Variants in TSR1 observed in about 807,000 individuals in gnomAD.
The protein encoded by TSR1 is pre-rRNA-processing protein TSR1 homolog.
TSR1 carries 81 observed loss-of-function variants against 90.9 expected under a neutral mutation model. The observed-to-expected ratio is 0.89, with a 90% CI of 0.74 to 1.07. TSR1 has a LOEUF of 1.07. TSR1 is among the 50% of genes least tolerant of loss of function. The probability of loss-of-function intolerance (pLI) is 0.00; values close to 1 mark genes in which losing one functional copy is unlikely to be tolerated. For synonymous variants in TSR1, 362 were observed against 348.8 expected (o/e 1.04, Z -0.42); for missense variants, 989 against 987.3 (o/e 1.00, Z -0.02).
rs761123911 is a variant in TSR1 at position 2,335,373 on chromosome 17, T to A, written c.443A>T (p.Asp148Val). ...GATGGTATCAGCTACTTTAGCCATG[T>A]CTAACACAACGTGCAGATCCCCTGC... ...ARPGDLHVVLDMAKVADTILF... is the reference protein window; with the variant it reads ...ARPGDLHVVLVMAKVADTILF... Residue 148 changes from aspartate to valine, a missense_variant, in exon 4 of 15, where the codon GAC becomes GTC. Asp to Val is a radical substitution (Grantham distance 152). Coordinates refer to ENST00000301364, the MANE Select transcript of TSR1 (RefSeq NM_018128.5). The A allele has an allele frequency of 9.9e-6, 16 of 1,613,238 alleles. No homozygotes were observed. Among genetic ancestry groups the A allele is most frequent in the Non-Finnish European group, 1.4e-5 (16 of 1,179,964 alleles).
chr17:2,334,825 C>CT lies in TSR1; in HGVS notation c.627dup (p.Ala210SerfsTer9). On this transcript the variant is annotated frameshift_variant, in exon 5 of 15. Transcript: ENST00000301364. LOFTEE classifies it high-confidence loss of function. Reference sequence around the variant, plus strand: ...TCATGCGGAAAGCGCTTCTCCACTGCTTTACTTAGCTTCTTCCTGGTATCT... The same window carrying CT: ...TCATGCGGAAAGCGCTTCTCCACTGCTTTTACTTAGCTTCTTCCTGGTATCT... 1 of 1,614,198 alleles carries CT rather than the reference C, an allele frequency of 6.2e-7. No individual in the cohort carries two copies. Among genetic ancestry groups the CT allele is most frequent in the Non-Finnish European group, 8.5e-7 (1 of 1,180,032 alleles).
At position 2,336,246 on chromosome 17, in the gene TSR1, G is replaced by C. The variant is rs1029861105; in HGVS notation, c.97+85C>G. ...AGGGCCTTTCGCGTGGAGCCCAGAC[G>C]GGAGACAGAAGCTCAGTCTGGGCAT... On this transcript the variant is annotated intron_variant, in intron 1 of 14. Coordinates refer to ENST00000301364, the MANE Select transcript of TSR1 (RefSeq NM_018128.5). 9 of 1,592,446 alleles carry C rather than the reference G, an allele frequency of 5.7e-6. No individual in the cohort carries two copies. The African/African-American group carries it at 1.2e-4, about 21-fold the overall frequency.
In TSR1 at chr17:2,324,206, C is replaced by T. The variant is rs1290913542; in HGVS notation, c.2405G>A (p.Gly802Asp). 1.3e-6 allele frequency: 2 copies of T among 1,520,946 alleles called. No homozygotes were observed. The highest frequency in any genetic ancestry group is 8.8e-7 in the Non-Finnish European group (1 of 1,139,312). 94.2% of individuals were successfully genotyped at this position (1,520,946 alleles called of 1,614,324 possible). A position where few individuals can be genotyped will look rare whatever the true frequency, so the allele number is the denominator to read the frequency against. The change falls in exon 15 of 15, where the codon GGC (glycine) becomes GAC (aspartate). Residue 802 changes from glycine (G) to aspartate (D), a missense_variant. By Grantham distance (94) the Gly-to-Asp change is moderately conservative (BLOSUM62 -1). Transcript: ENST00000301364. ...SEISSTVPQG[G>D]ME The stretch of plus-strand genomic sequence containing the variant: ...ATCTCTTTGAATCCATTACTCCATG[C>T]CCCCTTGAGGCACTGTTGAAGAAAT...
At chr17:2,334,255 G>C (rs1319138789) in intron 5 of TSR1, among the ~76,000 whole-genome samples, 2 of 152,176 alleles carry the variant, frequency 1.3e-5, no homozygotes, top group East Asian at 1.9e-4. Flanking sequence ...ACCACATCTT[G>C]AGTGTGTTCT....
intron 11 of TSR1, chr17:2,328,941 AAAAAAAC>A: frequency 4.1e-6 from 1 of 241,954 alleles, no homozygotes; most frequent in Non-Finnish European, 8.3e-6. Flanking sequence ...AAAAAAAAAA[AAAAAAAC>A]AGAAACAAAA....
At chr17:2,335,815 C>G (rs2064062987) in intron 2 of TSR1, 85 bp from the exon 3 acceptor site, 1 of 1,460,270 alleles carries the variant, frequency 6.8e-7, no homozygotes, top group Non-Finnish European at 9.3e-7. Flanking sequence ...AGATGCTCCC[C>G]CTACCCAAAA....
intron 7 of TSR1, 59 bp from the exon 8 acceptor site, chr17:2,332,418 G>A (rs1363992085): frequency 7.1e-7 from 1 of 1,409,854 alleles, no homozygotes; most frequent in African/African-American, 1.4e-5. Flanking sequence ...TACCCCAAAG[G>A]CCAATAAGCT....
chr17:2,326,404 T>G (rs2075576345), intron 11 of TSR1, among the ~76,000 whole-genome samples: 1 of 152,230 alleles, frequency 6.6e-6, no homozygotes, highest in African/African-American at 2.4e-5. Context: ...CAATCATTTC[T>G]GCTGCAAGTC....
At position 2,335,246 on chromosome 17, in the gene TSR1, G is replaced by A. The variant is rs774532300; in HGVS notation, c.556+14C>T. On this transcript the variant is annotated intron_variant, in intron 4 of 14. Transcript: ENST00000301364. ...GACAAATTAAAGGTGCACAATAAAT[G>A]CTAACTCACTTACTATAGGTCGGAA... is the stretch of plus-strand genomic sequence containing the variant. 6.2e-7 allele frequency: 1 copy of A among 1,612,434 alleles called. No individual in the cohort carries two copies. The highest frequency in any genetic ancestry group is 8.5e-7 in the Non-Finnish European group (1 of 1,179,326).
intron 2 of TSR1, 130 bp from the exon 3 acceptor site, chr17:2,335,860 C>CA: frequency 7.8e-7 from 1 of 1,283,052 alleles, no homozygotes; most frequent in Non-Finnish European, 1.1e-6. Flanking sequence ...ACAGGTATGC[C>CA]AGCGGGGTGG....
intron 3 of TSR1, 43 bp downstream of exon 3, chr17:2,335,468 C>T: frequency 7.0e-7 from 1 of 1,426,964 alleles, no homozygotes; most frequent in South Asian, 1.2e-5. Flanking sequence ...AAAAAAAATA[C>T]CACTACTCAA....
At chr17:2,334,138 C>T (rs2064027308) in intron 5 of TSR1, among the ~76,000 whole-genome samples, 1 of 152,170 alleles carries the variant, frequency 6.6e-6, no homozygotes. Context: ...TGCTAGTCTA[C>T]TTTCTCAACT....
chr17:2,335,503 A>G lies in TSR1; in HGVS notation c.421+8T>C. On this transcript the variant is annotated splice_region_variant and intron_variant, in intron 3 of 14. Coordinates refer to ENST00000301364, the MANE Select transcript of TSR1 (RefSeq NM_018128.5). ...AACATAATACAAAATATTGGTGTAT[A>G]CTCTAACCTGGCCTTGCTGAGGTGA... 6.2e-7 allele frequency: 1 copy of G among 1,613,888 alleles called. No homozygotes were observed. Among genetic ancestry groups the G allele is most frequent in the Non-Finnish European group, 8.5e-7 (1 of 1,179,886 alleles).
rs745561602 is a variant in TSR1, at chr17:2,330,249, T to G, written c.1770+266A>C. 1.2e-5 allele frequency: 7 copies of G among 585,458 alleles called. No homozygotes were observed. In the Admixed American group the frequency reaches 1.3e-4, roughly 11 times the overall value. 36.3% of individuals were successfully genotyped at this position (585,458 alleles called of 1,614,324 possible). A position where few individuals can be genotyped will look rare whatever the true frequency, so the allele number is the denominator to read the frequency against. On this transcript the variant is annotated intron_variant, in intron 10 of 14. Transcript: ENST00000301364. ...CCTTTATTTTTAAGGCTGCCAACCCTTATTCAAAATCTGGTCTGAAAAACA... is the reference window on the plus strand; with the variant it reads ...CCTTTATTTTTAAGGCTGCCAACCCGTATTCAAAATCTGGTCTGAAAAACA...
At position 2,332,154 on chromosome 17, in the gene TSR1, G is replaced by T. The variant is rs772504078; in HGVS notation, c.1496+15C>A. The T allele has an allele frequency of 6.2e-7, 1 of 1,606,078 alleles. No individual in the cohort carries two copies. The highest frequency in any genetic ancestry group is 1.1e-5 in the South Asian group (1 of 89,208). ...TTGACTGAATTTAGATTTGTTGATA[G>T]ACTTGTTGACTAACCGAATTCGAGC... On this transcript the variant is annotated intron_variant, in intron 8 of 14. Transcript: ENST00000301364.
In TSR1 at chr17:2,335,705, CCCAG is replaced by C; in HGVS notation, c.223_226del (p.Leu75ValfsTer38). ...CTGATGAGGAGGGCCATCCTTGCCA[CCCAG>C]CTGTCTCTTCTCTGCCAGAACCTGA... On this transcript the variant is annotated frameshift_variant, in exon 3 of 15. Transcript: ENST00000301364. LOFTEE classifies it high-confidence loss of function. 6.2e-7 allele frequency: 1 copy of C among 1,613,532 alleles called. No homozygotes were observed. Among genetic ancestry groups the C allele is most frequent in the South Asian group, 1.1e-5 (1 of 91,048 alleles).
At position 2,329,392 on chromosome 17, in the gene TSR1, A is replaced by G. The variant is rs1195928248; in HGVS notation, c.1854T>C (p.Cys618=). The change falls in exon 11 of 15, where the codon TGT becomes TGC. Residue 618 remains cysteine (C), a synonymous_variant. Transcript: ENST00000301364. The part of the protein sequence containing the change: ...VKAKEELIFH[C]GFRRFRASPL... ...GTGAGGCTCGGAAGCGCCTGAATCC[A>G]CAGTGAAATATGAGCTCTTCCTTGG... The G allele has an allele frequency of 6.2e-7, 1 of 1,614,234 alleles. No individual in the cohort carries two copies. The highest frequency in any genetic ancestry group is 1.7e-5 in the Admixed American group (1 of 60,030).
chr17:2,323,149 G>T lies in TSR1; in HGVS notation c.*1047C>A. The stretch of plus-strand genomic sequence containing the variant: ...TCCTCTTCCCAGGCTCTGAAACCTA[G>T]TGTGAAGGTATATGCTGCTGAACCC... On this transcript the variant is annotated 3_prime_UTR_variant, in exon 15 of 15. Coordinates refer to ENST00000301364, the MANE Select transcript of TSR1 (RefSeq NM_018128.5). 6.2e-7 allele frequency: 1 copy of T among 1,614,186 alleles called. No individual in the cohort carries two copies. The highest frequency in any genetic ancestry group is 1.1e-5 in the South Asian group (1 of 91,088).
chr17:2,330,626 C>T lies in TSR1; in HGVS notation c.1660-1G>A, dbSNP rs2075599393. The T allele has an allele frequency of 6.2e-7, 1 of 1,613,496 alleles. No individual in the cohort carries two copies. Among genetic ancestry groups the T allele is most frequent in the South Asian group, 1.1e-5 (1 of 91,020 alleles). ...CATGAAGTGTGACATACCAGCCAACCTGCCACAAGAAAGCAGAAAGCAATC... is the reference window on the plus strand; with the variant it reads ...CATGAAGTGTGACATACCAGCCAACTTGCCACAAGAAAGCAGAAAGCAATC... On this transcript the variant is annotated splice_acceptor_variant, in intron 9 of 14. Coordinates refer to ENST00000301364, the MANE Select transcript of TSR1 (RefSeq NM_018128.5). LOFTEE classifies it high-confidence loss of function.
Sources: allele counts gnomAD v4.1 joint callset (sites outside exome capture counted in the v4.1 genomes callset), GRCh38; gene constraint gnomAD v4.1.1; transcripts MANE v1.5; gene names NCBI Gene and HGNC (gene_info 2026-07-23, HGNC 2026-07-21).